The following PLAC1 variants were observed in gnomAD, a reference collection of about 807,000 sequenced individuals.
PLAC1 encodes the protein placenta associated 1.
For missense variants in PLAC1, 136 were observed against 163.2 expected (o/e 0.83, Z 0.91); for synonymous variants, 68 against 62.1 (o/e 1.09, Z -0.44).
chrX:134,667,375 G>C (rs965877586), intron 2 of PLAC1, among the ~76,000 whole-genome samples: 1 of 112,217 alleles, frequency 8.9e-6, no homozygotes, highest in Non-Finnish European at 1.9e-5. Context: ...GATCTGAACA[G>C]ACTGTCTTCC....
intron 1 of PLAC1, among the ~76,000 whole-genome samples, chrX:134,758,823 A>G (rs2078763086): frequency 8.9e-6 from 1 of 112,201 alleles, no homozygotes; most frequent in Admixed American, 9.5e-5. Flanking sequence ...GGAAACAATC[A>G]ATAGAGTTAA....
intron 1 of PLAC1, among the ~76,000 whole-genome samples, chrX:134,736,432 C>T (rs1210523523): frequency 9.0e-6 from 1 of 110,824 alleles, no homozygotes; most frequent in East Asian, 2.8e-4. Flanking sequence ...CTAGACTGAT[C>T]CAGGAAAGAG....
chrX:134,708,114 C>T (rs753371652), intron 2 of PLAC1, among the ~76,000 whole-genome samples: 2 of 111,962 alleles, frequency 1.8e-5, no homozygotes, highest in South Asian at 7.5e-4. Context: ...CCAGAAACAA[C>T]CAAAACGTCC....
intron 1 of PLAC1, among the ~76,000 whole-genome samples, chrX:134,750,863 T>TTTA: frequency 5.2e-5 from 1 of 19,138 alleles, no homozygotes; most frequent in African/African-American, 4.9e-4. Context: ...ATATATATTT[T>TTTA]TATATATATA....
intron 1 of PLAC1, among the ~76,000 whole-genome samples, chrX:134,644,238 A>T (rs948662135): frequency 1.8e-5 from 2 of 111,499 alleles, no homozygotes; most frequent in Non-Finnish European, 3.8e-5. Flanking sequence ...ATTTGCAGAT[A>T]ATATAATCAT....
At chrX:134,716,044 G>T (rs1180379410) in intron 2 of PLAC1, among the ~76,000 whole-genome samples, 1 of 112,743 alleles carries the variant, frequency 8.9e-6, no homozygotes, top group Non-Finnish European at 1.9e-5. Context: ...GCCCAGCTGG[G>T]TAAACAGAAG....
chrX:134,588,930 G>A (rs757598294), intron 2 of PLAC1, among the ~76,000 whole-genome samples: 3 of 111,527 alleles, frequency 2.7e-5, no homozygotes, highest in South Asian at 3.8e-4. Flanking sequence ...GAGGAGATGC[G>A]GGGAACCTAG....
Position 134,687,395 on chromosome X carries a change from AT to A in PLAC1, n.174+46039del, listed in dbSNP as rs779769286. ...AACCTTACGAGTTTTTGTGTGTGTGATTTTTTTTAAGCTCATCAGCTATCAT... is the reference window on the plus strand; with the variant it reads ...AACCTTACGAGTTTTTGTGTGTGTGATTTTTTTAAGCTCATCAGCTATCAT... On this transcript the variant is annotated intron_variant and non_coding_transcript_variant, in intron 2 of 2. Coordinates refer to the PLAC1 transcript ENST00000466797. Among the ~76,000 whole-genome samples the A allele has an allele frequency of 3.0e-3, 329 of 110,535 alleles. 1 individual carries two copies. The highest frequency in any genetic ancestry group is 9.2e-3 in the African/African-American group (278 of 30,362).
intron 1 of PLAC1, among the ~76,000 whole-genome samples, chrX:134,603,270 TATATATATATATATATATATATATA>T (rs2078097992): frequency 4.4e-4 from 1 of 2,265 alleles, no homozygotes; most frequent in African/African-American, 1.4e-3. Context: ...CTCTGTATTT[TATATATATATATATATATATATATA>T]TATATATATA....
intron 2 of PLAC1, among the ~76,000 whole-genome samples, chrX:134,586,839 T>TTG (rs757041226): frequency 0.02 from 1,514 of 76,613 alleles, 32 homozygotes; most frequent in African/African-American, 0.06. Flanking sequence ...CCCAGCTAAT[T>TTG]TGTGTGTGTG....
intron 2 of PLAC1, among the ~76,000 whole-genome samples, chrX:134,593,248 GGTTCT>G (rs1003542584): frequency 1.8e-5 from 2 of 111,867 alleles, no homozygotes; most frequent in African/African-American, 3.2e-5. Context: ...ACTATTTCTG[GGTTCT>G]GTTCTGTTCT....
rs145828727 is a variant in PLAC1, at chrX:134,623,038, A to G, written c.-130-20916T>C. Among the ~76,000 whole-genome samples, 542 of 112,462 alleles carry G rather than the reference A, an allele frequency of 4.8e-3. 2 individuals are homozygous for G. The highest frequency in any genetic ancestry group is 0.017 in the African/African-American group (518 of 30,953). On this transcript the variant is annotated intron_variant, in intron 1 of 2. Coordinates refer to ENST00000359237, the MANE Select transcript of PLAC1 (RefSeq NM_021796.4). ...GCACCCTCAGGGAACATTCTTTTCT[A>G]AAGATCCTTTGTCAACTACAAGAGC...
intron 2 of PLAC1, among the ~76,000 whole-genome samples, chrX:134,571,100 TTTC>T (rs1296152959): frequency 8.9e-6 from 1 of 111,782 alleles, no homozygotes; most frequent in Non-Finnish European, 1.9e-5. Context: ...AGACAGCCCT[TTTC>T]TTCTTATAGA....
chrX:134,581,433 G>A (rs2077973514), intron 2 of PLAC1, among the ~76,000 whole-genome samples: 1 of 103,275 alleles, frequency 9.7e-6, no homozygotes. Flanking sequence ...AAGGAACTGA[G>A]TTTATTTCCC....
At chrX:134,660,565 A>G (rs2078413024), upstream of PLAC1, among the ~76,000 whole-genome samples, 1 of 112,345 alleles carries the variant, frequency 8.9e-6, no homozygotes, top group African/African-American at 3.2e-5. Flanking sequence ...TTGATGAGAG[A>G]ATGAGTGAAC....
At chrX:134,736,882 A>G (rs2078704467) in intron 1 of PLAC1, among the ~76,000 whole-genome samples, 1 of 112,484 alleles carries the variant, frequency 8.9e-6, no homozygotes, top group South Asian at 3.7e-4. Flanking sequence ...CCAGGACACC[A>G]CAAGATTGAT....
chrX:134,568,244 G>C (rs1445818101), intron 2 of PLAC1, among the ~76,000 whole-genome samples: 1 of 112,842 alleles, frequency 8.9e-6, no homozygotes, highest in African/African-American at 3.2e-5. Context: ...AGTAACCCCT[G>C]CACAAATTCA....
At chrX:134,608,534 A>C (rs1255853304) in intron 1 of PLAC1, among the ~76,000 whole-genome samples, 1 of 112,010 alleles carries the variant, frequency 8.9e-6, no homozygotes. Context: ...GGAGGGAACA[A>C]CAGGGAGTGA....
chrX:134,587,349 G>A (rs2078008920), intron 2 of PLAC1, among the ~76,000 whole-genome samples: 1 of 110,484 alleles, frequency 9.1e-6, no homozygotes, highest in Non-Finnish European at 1.9e-5. Flanking sequence ...TAGAGGCCAG[G>A]AGTTTGAGAC....
Sources: allele counts gnomAD v4.1 joint callset (sites outside exome capture counted in the v4.1 genomes callset), GRCh38; gene constraint gnomAD v4.1.1; transcripts MANE v1.5; gene names NCBI Gene and HGNC (gene_info 2026-07-23, HGNC 2026-07-21).